TNFSF13B: variants seen among roughly 807,000 people sequenced by gnomAD.
TNFSF13B encodes TNF superfamily member 13b.
TNFSF13B carries 8 observed loss-of-function variants against 29.1 expected under a neutral mutation model. The observed-to-expected ratio is 0.27, with a 90% CI of 0.16 to 0.50. The LOEUF is 0.50. Among genes scored for constraint, TNFSF13B ranks in the 20% least tolerant of loss-of-function variants. The pLI is 0.98. For missense variants in TNFSF13B, 248 were observed against 334.9 expected (o/e 0.74, Z 2.03); for synonymous variants, 125 against 130.8 (o/e 0.96, Z 0.30).
At chr13:108,274,226 G>A (rs1880697333) in intron 2 of TNFSF13B, among the ~76,000 whole-genome samples, 1 of 151,524 alleles carries the variant, frequency 6.6e-6, no homozygotes, top group Non-Finnish European at 1.5e-5. Context: ...TGACTGCATG[G>A]GGTCAGTGAC....
At chr13:108,300,138 A>G (rs897431934) in intron 3 of TNFSF13B, among the ~76,000 whole-genome samples, 2 of 152,198 alleles carry the variant, frequency 1.3e-5, no homozygotes, top group African/African-American at 4.8e-5. Flanking sequence ...TACTACCTCT[A>G]TGATGGAGGG....
At chr13:108,286,753 C>G in intron 2 of TNFSF13B, 50 bp from the exon 3 acceptor site, 1 of 1,312,468 alleles carries the variant, frequency 7.6e-7, no homozygotes, top group Non-Finnish European at 1.1e-6. Context: ...TTCTCAGTTT[C>G]TTTATTATTT....
At chr13:108,287,214 T>C (rs554455287) in intron 3 of TNFSF13B, among the ~76,000 whole-genome samples, 1 of 152,226 alleles carries the variant, frequency 6.6e-6, no homozygotes, top group African/African-American at 2.4e-5. Context: ...GGCACATGTA[T>C]ACATATGAAA....
intron 3 of TNFSF13B, among the ~76,000 whole-genome samples, chr13:108,296,961 A>G (rs1594531432): frequency 6.9e-6 from 1 of 145,902 alleles, no homozygotes; most frequent in African/African-American, 2.6e-5. Context: ...TTTAAATAGT[A>G]TAGGAAACAA....
intron 3 of TNFSF13B, among the ~76,000 whole-genome samples, chr13:108,297,895 T>C (rs749513909): frequency 6.8e-6 from 1 of 146,028 alleles, no homozygotes; most frequent in Non-Finnish European, 1.5e-5. Context: ...AAATGCATAA[T>C]GGCATGTATC....
chr13:108,271,376 T>C (rs1880608047), intron 2 of TNFSF13B, among the ~76,000 whole-genome samples: 1 of 151,644 alleles, frequency 6.6e-6, no homozygotes, highest in Admixed American at 6.6e-5. Flanking sequence ...CAATAATTTA[T>C]GTATATTTTC....
intron 2 of TNFSF13B, among the ~76,000 whole-genome samples, chr13:108,284,641 A>G (rs1262823889): frequency 6.6e-6 from 1 of 152,146 alleles, no homozygotes; most frequent in Non-Finnish European, 1.5e-5. Context: ...ACTCTTTACA[A>G]TATACGTATA....
At chr13:108,273,566 A>G (rs141721609) in intron 2 of TNFSF13B, among the ~76,000 whole-genome samples, 1 of 152,302 alleles carries the variant, frequency 6.6e-6, no homozygotes, top group African/African-American at 2.4e-5. Flanking sequence ...CTACTGTAAT[A>G]ATTTCATAGC....
Position 108,280,729 on chromosome 13 carries a change from T to C in TNFSF13B, c.425-6074T>C, listed in dbSNP as rs1344456263. Among the ~76,000 whole-genome samples, 4 of 151,858 alleles carry C rather than the reference T, an allele frequency of 2.6e-5. No homozygotes were observed. In the East Asian group the frequency reaches 7.7e-4, roughly 29 times the overall value. On this transcript the variant is annotated intron_variant, in intron 2 of 5. Coordinates refer to ENST00000375887, the MANE Select transcript of TNFSF13B (RefSeq NM_006573.5). ...GTCATGATAATGCTTTTTTTTTTTTTACTCTTAGTGCCTATGAGGCAATAC... is the reference window on the plus strand; with the variant it reads ...GTCATGATAATGCTTTTTTTTTTTTCACTCTTAGTGCCTATGAGGCAATAC...
intron 3 of TNFSF13B, among the ~76,000 whole-genome samples, chr13:108,293,668 A>T: frequency 6.6e-6 from 1 of 152,174 alleles, no homozygotes; most frequent in East Asian, 1.9e-4. Flanking sequence ...TCTAGGTGTT[A>T]TGTTCTTTTG....
At position 108,303,585 on chromosome 13, in the gene TNFSF13B, T is replaced by C. The variant is rs77273581; in HGVS notation, c.726T>C (p.Asn242=). ...CIQNMPETLP[N]NSCYSAGIAK... ...AAAATATGCCTGAAACACTACCCAA[T>C]AATTCCTGCTATTCAGCTGGTAAAT... The change falls in exon 5 of 6, where the codon AAT becomes AAC. Residue 242 remains asparagine (N), a synonymous_variant. Coordinates refer to ENST00000375887, the MANE Select transcript of TNFSF13B (RefSeq NM_006573.5). 8.9e-4 allele frequency: 1,429 copies of C among 1,612,992 alleles called. 7 individuals are homozygous for C. The African/African-American group carries it at 0.017, about 19-fold the overall frequency.
rs1881690018 is a variant in TNFSF13B, at chr13:108,303,615, G to C, written c.745+11G>C. 1 of 1,606,776 alleles carries C rather than the reference G, an allele frequency of 6.2e-7. No homozygotes were observed. Among genetic ancestry groups the C allele is most frequent in the African/African-American group, 1.3e-5 (1 of 74,654 alleles). ...CCTGCTATTCAGCTGGTAAATATTAGTTCTCACACCCTGCTAATTGTGAAA... is the reference window on the plus strand; with the variant it reads ...CCTGCTATTCAGCTGGTAAATATTACTTCTCACACCCTGCTAATTGTGAAA... On this transcript the variant is annotated intron_variant, in intron 5 of 5. Transcript: ENST00000375887.
chr13:108,274,287 G>A (rs895285493), intron 2 of TNFSF13B, among the ~76,000 whole-genome samples: 5 of 150,422 alleles, frequency 3.3e-5, no homozygotes, highest in African/African-American at 1.2e-4. Context: ...ATATACATAT[G>A]AACAATACAT....
At chr13:108,300,617 A>G (rs1203010721) in intron 3 of TNFSF13B, among the ~76,000 whole-genome samples, 1 of 152,226 alleles carries the variant, frequency 6.6e-6, no homozygotes, top group Non-Finnish European at 1.5e-5. Context: ...TTTCACTGAA[A>G]TTATATCGTA....
intron 3 of TNFSF13B, among the ~76,000 whole-genome samples, chr13:108,296,336 C>T (rs1881457515): frequency 6.9e-6 from 1 of 145,760 alleles, no homozygotes; most frequent in African/African-American, 2.6e-5. Context: ...ATATTTAATA[C>T]TCTCTTTGTT....
At chr13:108,270,507 C>T (rs1429845363) in intron 2 of TNFSF13B, 83 bp downstream of exon 2, 17 of 1,256,218 alleles carry the variant, frequency 1.4e-5, no homozygotes, top group Middle Eastern at 4.0e-4. Flanking sequence ...TGAGTATCCC[C>T]TCTATGAACC....
At chr13:108,306,438 A>G (rs1030107587) in intron 5 of TNFSF13B, among the ~76,000 whole-genome samples, 2 of 151,992 alleles carry the variant, frequency 1.3e-5, no homozygotes, top group Non-Finnish European at 2.9e-5. Context: ...AATTTTTCAC[A>G]TTTTTATTTA....
Position 108,279,255 on chromosome 13 carries a change from C to T in TNFSF13B, c.425-7548C>T, listed in dbSNP as rs150165004. Among the ~76,000 whole-genome samples the T allele has an allele frequency of 3.2e-3, 493 of 152,020 alleles. 5 individuals carry two copies. The highest frequency in any genetic ancestry group is 0.011 in the African/African-American group (471 of 41,438). On this transcript the variant is annotated intron_variant, in intron 2 of 5. Transcript: ENST00000375887. Reference sequence around the variant, plus strand: ...CACTGAAAATTTGTGAATGGTTGTCCTTAATATCAAGTGATTCACAATCTA... The same window carrying T: ...CACTGAAAATTTGTGAATGGTTGTCTTTAATATCAAGTGATTCACAATCTA...
rs1259167039 is a variant in TNFSF13B, at chr13:108,298,234, T to C, written c.482-5019T>C. Reference sequence around the variant, plus strand: ...GAGTATGAGGTCTATGAGATATCACTGTACCTTCCTCTCAGTTTTTCTGTG... The same window carrying C: ...GAGTATGAGGTCTATGAGATATCACCGTACCTTCCTCTCAGTTTTTCTGTG... On this transcript the variant is annotated intron_variant, in intron 3 of 5. Coordinates refer to ENST00000375887, the MANE Select transcript of TNFSF13B (RefSeq NM_006573.5). Among the ~76,000 whole-genome samples the C allele has an allele frequency of 3.4e-5, 5 of 145,110 alleles. 1 individual carries two copies. The highest frequency in any genetic ancestry group is 7.6e-5 in the Non-Finnish European group (5 of 65,420).
Sources: gnomAD v4.1 joint callset for allele counts (sites outside exome capture counted in the v4.1 genomes callset) on GRCh38, gnomAD v4.1.1 for gene constraint, MANE v1.5 for transcripts, NCBI Gene and HGNC (gene_info 2026-07-23, HGNC 2026-07-21) for gene names.